The following PITPNC1 variants were observed in gnomAD, a reference collection of about 807,000 sequenced individuals.
The protein encoded by PITPNC1 is cytoplasmic phosphatidylinositol transfer protein 1.
PITPNC1 carries 18 observed loss-of-function variants against 44.7 expected under a neutral mutation model. The observed-to-expected ratio is 0.40, with a 90% CI of 0.28 to 0.60. The LOEUF (loss-of-function observed/expected upper bound fraction) is 0.60. PITPNC1 is among the 20% of genes least tolerant of loss of function. The pLI is 0.39. For synonymous variants in PITPNC1, 141 were observed against 149.6 expected (o/e 0.94, Z 0.42); for missense variants, 290 against 418.4 (o/e 0.69, Z 2.68).
chr17:67,439,453 A>C (rs1374833825), intron 1 of PITPNC1, among the ~76,000 whole-genome samples: 1 of 152,172 alleles, frequency 6.6e-6, no homozygotes, highest in African/African-American at 2.4e-5. Flanking sequence ...TATGGTATTT[A>C]TTTAATCTTG....
At chr17:67,584,393 AGCT>A (rs979562704) in intron 5 of PITPNC1, among the ~76,000 whole-genome samples, 25 of 152,312 alleles carry the variant, frequency 1.6e-4, no homozygotes, top group African/African-American at 6.0e-4. Flanking sequence ...TCTCCTTGGA[AGCT>A]GCCTAAAAGA....
intron 6 of PITPNC1, among the ~76,000 whole-genome samples, chr17:67,645,083 G>A (rs561461259): frequency 6.6e-6 from 1 of 152,212 alleles, no homozygotes; most frequent in East Asian, 1.9e-4. Flanking sequence ...GCTCATGCCT[G>A]TAATCCCAGC....
chr17:67,632,342 G>A, intron 6 of PITPNC1, 104 bp downstream of exon 6: 1 of 729,068 alleles, frequency 1.4e-6, no homozygotes, highest in Non-Finnish European at 2.4e-6. Flanking sequence ...CTCTCGTCGT[G>A]TGGATTCAAT....
In PITPNC1 at chr17:67,588,346, C is replaced by T. The variant is rs564254892; in HGVS notation, c.366+10089C>T. 2.5e-4 allele frequency among the ~76,000 whole-genome samples: 38 copies of T among 152,226 alleles called. No individual in the cohort carries two copies. In the Middle Eastern group the frequency reaches 0.014, roughly 55 times the overall value. ...ATTAGCACAGTAGTCCCTGCTTCTC[C>T]GAGGTTTCACTTTCTGCAGTTTTAG... On this transcript the variant is annotated intron_variant, in intron 5 of 8. Transcript: ENST00000581322.
At chr17:67,531,434 T>TTC (rs1171569313) in intron 1 of PITPNC1, among the ~76,000 whole-genome samples, 3 of 152,136 alleles carry the variant, frequency 2.0e-5, no homozygotes, top group African/African-American at 4.8e-5. Context: ...GACACAGTCC[T>TTC]TCGAGAAGAC....
intron 6 of PITPNC1, among the ~76,000 whole-genome samples, chr17:67,651,215 A>T (rs1189722532): frequency 3.3e-5 from 5 of 151,940 alleles, no homozygotes; most frequent in Non-Finnish European, 7.4e-5. Context: ...TCTCTTTTTT[A>T]AAAAACAGCT....
rs1053468927 is a variant in PITPNC1 at position 67,508,358 on chromosome 17, T to C, written c.49-24444T>C. Among the ~76,000 whole-genome samples, 5 of 152,008 alleles carry C rather than the reference T, an allele frequency of 3.3e-5. No homozygotes were observed. Among genetic ancestry groups the C allele is most frequent in the Non-Finnish European group, 7.4e-5 (5 of 67,984 alleles). On this transcript the variant is annotated intron_variant, in intron 1 of 8. Transcript: ENST00000581322. This position sits in a 1 kb window ranked among gnomAD's most constrained non-coding sequence, Gnocchi z 4.2. The stretch of plus-strand genomic sequence containing the variant: ...TCTTAATGATGTGCTAAACAAGGGG[T>C]GGGTTATTCATGCCTACTCTTTTAC...
At chr17:67,492,827 G>A (rs1408047168) in intron 1 of PITPNC1, among the ~76,000 whole-genome samples, 3 of 152,170 alleles carry the variant, frequency 2.0e-5, no homozygotes, top group African/African-American at 7.2e-5. Context: ...ATCCTGTTGT[G>A]TGTTTGATGA....
At chr17:67,582,715 A>C (rs950492469) in intron 5 of PITPNC1, among the ~76,000 whole-genome samples, 1 of 152,232 alleles carries the variant, frequency 6.6e-6, no homozygotes, top group African/African-American at 2.4e-5. Flanking sequence ...AGTTGTCTTA[A>C]ACTGAGGCCC....
chr17:67,601,040 A>G (rs1047169068), intron 5 of PITPNC1, among the ~76,000 whole-genome samples: 1 of 152,098 alleles, frequency 6.6e-6, no homozygotes, highest in Admixed American at 6.6e-5. Context: ...CATGTGAGTA[A>G]ACTGGAAAAG....
At chr17:67,411,142 C>A (rs2038490493) in intron 1 of PITPNC1, among the ~76,000 whole-genome samples, 2 of 151,074 alleles carry the variant, frequency 1.3e-5, no homozygotes, top group African/African-American at 4.9e-5. Flanking sequence ...GGTGGGAGTG[C>A]TTCCTTTTCT....
intron 5 of PITPNC1, among the ~76,000 whole-genome samples, chr17:67,625,456 C>T (rs2041884390): frequency 1.3e-5 from 2 of 152,166 alleles, no homozygotes; most frequent in East Asian, 1.9e-4. Flanking sequence ...GGCAGCTGCA[C>T]CTGCCACCAC....
chr17:67,495,037 G>GTTTTT (rs2039925221), intron 1 of PITPNC1, among the ~76,000 whole-genome samples: 60 of 79,394 alleles, frequency 7.6e-4, no homozygotes, highest in African/African-American at 9.0e-4. Context: ...GAGCCATGGA[G>GTTTTT]TTGTTTTTTT....
chr17:67,396,365 T>C (rs2038219991), intron 1 of PITPNC1, among the ~76,000 whole-genome samples: 1 of 152,204 alleles, frequency 6.6e-6, no homozygotes, highest in African/African-American at 2.4e-5. Flanking sequence ...TTTTTATTTT[T>C]ATTTTTCTTT....
chr17:67,551,348 G>C (rs1241278557), intron 2 of PITPNC1, among the ~76,000 whole-genome samples: 2 of 152,156 alleles, frequency 1.3e-5, no homozygotes, highest in African/African-American at 4.8e-5. Flanking sequence ...TGCAAATTAG[G>C]TGGATTAAAA....
intron 5 of PITPNC1, among the ~76,000 whole-genome samples, chr17:67,588,812 C>T (rs534577607): frequency 6.6e-6 from 1 of 152,300 alleles, no homozygotes; most frequent in African/African-American, 2.4e-5. Context: ...CTGCAGAATC[C>T]ATATTTACAG....
intron 4 of PITPNC1, 122 bp from the exon 5 acceptor site, chr17:67,578,064 T>C (rs1461567962): frequency 1.4e-6 from 1 of 730,230 alleles, no homozygotes; most frequent in Admixed American, 2.0e-5. Context: ...CTTAGTATCT[T>C]AACATTTCTG....
chr17:67,531,830 G>A (rs896588469), intron 1 of PITPNC1, among the ~76,000 whole-genome samples: 8 of 152,106 alleles, frequency 5.3e-5, no homozygotes, highest in Non-Finnish European at 1.2e-4. Context: ...GGGTCGCATC[G>A]TCCTGCGTCC....
chr17:67,581,288 G>A (rs1227377512), intron 5 of PITPNC1, among the ~76,000 whole-genome samples: 3 of 152,178 alleles, frequency 2.0e-5, no homozygotes, highest in Non-Finnish European at 4.4e-5. Context: ...CAAGGGCCAG[G>A]CCCCTTTGAG....
Sources: allele counts gnomAD v4.1 joint callset (sites outside exome capture counted in the v4.1 genomes callset), GRCh38; gene constraint gnomAD v4.1.1; non-coding constraint Gnocchi (gnomAD v3.1); transcripts MANE v1.5; gene names NCBI Gene and HGNC (gene_info 2026-07-23, HGNC 2026-07-21).